The following DNER variants were observed in gnomAD, a reference collection of about 807,000 sequenced individuals.
DNER encodes delta/notch like EGF repeat containing.
A neutral mutation model predicts 78.2 loss-of-function variants in DNER; 33 were observed. That is an observed-to-expected ratio of 0.42 (90% CI 0.32 to 0.56). The LOEUF (loss-of-function observed/expected upper bound fraction) is 0.56. DNER is among the 20% of genes least tolerant of loss of function. The pLI, the probability that DNER is intolerant of heterozygous loss-of-function variation, is 0.11. For missense variants in DNER, 918 were observed against 975.3 expected (o/e 0.94, Z 0.78); for synonymous variants, 417 against 384.8 (o/e 1.08, Z -0.98).
At chr2:229,565,198 G>T (rs1179978170) in intron 4 of DNER, among the ~76,000 whole-genome samples, 1 of 152,142 alleles carries the variant, frequency 6.6e-6, no homozygotes, top group Non-Finnish European at 1.5e-5. Context: ...GGAAAAGTTT[G>T]CTCCCTGAGA....
chr2:229,378,878 A>T (rs1481137088), intron 11 of DNER, among the ~76,000 whole-genome samples: 1 of 152,084 alleles, frequency 6.6e-6, no homozygotes, highest in African/African-American at 2.4e-5. Flanking sequence ...AATTATCTAG[A>T]CACGAGCCAC....
chr2:229,423,968 A>G (rs903046197), intron 8 of DNER, among the ~76,000 whole-genome samples: 4 of 152,218 alleles, frequency 2.6e-5, no homozygotes, highest in African/African-American at 9.6e-5. Flanking sequence ...CTACAGGATA[A>G]GCTTGAGGGT....
At chr2:229,368,041 AT>A (rs979422421) in intron 11 of DNER, among the ~76,000 whole-genome samples, 8 of 152,072 alleles carry the variant, frequency 5.3e-5, no homozygotes, top group African/African-American at 7.2e-5. Context: ...TTTTCTTTAG[AT>A]TTTTTTTCAG....
In DNER at chr2:229,583,462, G is replaced by A. The variant is rs551694472; in HGVS notation, c.847+2396C>T. ...AAAGTAAAAAACAGAATAGCTGTAC[G>A]GGTGCTTGAAATACAGCTTATACTG... On this transcript the variant is annotated intron_variant, in intron 4 of 12. Coordinates refer to ENST00000341772, the MANE Select transcript of DNER (RefSeq NM_139072.4). Among the ~76,000 whole-genome samples the A allele has an allele frequency of 2.4e-4, 37 of 152,246 alleles. No individual in the cohort carries two copies. In the South Asian group the frequency reaches 6.6e-3, roughly 27 times the overall value.
intron 9 of DNER, among the ~76,000 whole-genome samples, chr2:229,415,771 A>G (rs774350223): frequency 6.6e-6 from 1 of 152,192 alleles, no homozygotes; most frequent in Non-Finnish European, 1.5e-5. Context: ...GCCCTCAAAT[A>G]TAAACAACAA....
At chr2:229,551,544 GA>G in intron 4 of DNER, among the ~76,000 whole-genome samples, 1 of 152,210 alleles carries the variant, frequency 6.6e-6, no homozygotes, top group African/African-American at 2.4e-5. Context: ...TGATGCAGGA[GA>G]ATCACTTGAA....
chr2:229,507,069 G>A (rs1258162484), intron 6 of DNER, among the ~76,000 whole-genome samples: 1 of 152,100 alleles, frequency 6.6e-6, no homozygotes, highest in African/African-American at 2.4e-5. Context: ...AATACTGTAG[G>A]CAACTGCAAC....
intron 1 of DNER, among the ~76,000 whole-genome samples, chr2:229,663,284 T>C (rs192082966): frequency 2.5e-4 from 38 of 152,344 alleles, no homozygotes; most frequent in African/African-American, 7.5e-4. Flanking sequence ...TATGTTATGC[T>C]GCAAGTCAAT....
chr2:229,678,968 A>G (rs534814643), intron 1 of DNER, among the ~76,000 whole-genome samples: 1 of 152,336 alleles, frequency 6.6e-6, no homozygotes, highest in East Asian at 1.9e-4. Context: ...GGCTTCCCCA[A>G]TGCTCCCCAC....
intron 5 of DNER, among the ~76,000 whole-genome samples, chr2:229,531,251 T>C (rs955710347): frequency 1.3e-5 from 2 of 152,188 alleles, no homozygotes; most frequent in Non-Finnish European, 2.9e-5. Flanking sequence ...AGTGCTGCTC[T>C]CAATCAACTC....
At chr2:229,620,840 T>G in intron 1 of DNER, among the ~76,000 whole-genome samples, 1 of 152,048 alleles carries the variant, frequency 6.6e-6, no homozygotes, top group South Asian at 2.1e-4. Flanking sequence ...CTACTGCCCT[T>G]AAAAGGAGGA....
chr2:229,692,890 A>G (rs574156875), intron 1 of DNER, among the ~76,000 whole-genome samples: 1 of 151,786 alleles, frequency 6.6e-6, no homozygotes, highest in South Asian at 2.1e-4. Flanking sequence ...AATATAATAC[A>G]TATAATTTAT....
intron 5 of DNER, among the ~76,000 whole-genome samples, chr2:229,530,986 TG>T (rs1270432632): frequency 6.6e-6 from 1 of 152,186 alleles, no homozygotes; most frequent in Non-Finnish European, 1.5e-5. Context: ...GGGTGAGGTG[TG>T]ACCTGCCCTT....
intron 1 of DNER, among the ~76,000 whole-genome samples, chr2:229,606,912 A>C (rs7557517): frequency 0.6 from 90,664 of 150,764 alleles, 27,366 homozygotes; most frequent in Non-Finnish European, 0.63. Flanking sequence ...ACCACCACCA[A>C]CAACAACAAC....
chr2:229,538,522 G>A (rs1460011117), intron 5 of DNER, among the ~76,000 whole-genome samples: 1 of 151,938 alleles, frequency 6.6e-6, no homozygotes, highest in African/African-American at 2.4e-5. Context: ...GCATCACCCT[G>A]CCCGGCTAAT....
At chr2:229,548,728 A>G (rs1000406722) in intron 4 of DNER, among the ~76,000 whole-genome samples, 3 of 152,200 alleles carry the variant, frequency 2.0e-5, no homozygotes, top group Non-Finnish European at 4.4e-5. Flanking sequence ...TGTAACCCAC[A>G]ACTTAAAGTA....
At chr2:229,684,801 C>T (rs1308332915) in intron 1 of DNER, among the ~76,000 whole-genome samples, 2 of 152,170 alleles carry the variant, frequency 1.3e-5, no homozygotes, top group East Asian at 1.9e-4. Context: ...TCATGATTAG[C>T]ACCTATTTAT....
chr2:229,599,935 A>C (rs1411607037), intron 1 of DNER, among the ~76,000 whole-genome samples: 1 of 152,198 alleles, frequency 6.6e-6, no homozygotes, highest in African/African-American at 2.4e-5. Flanking sequence ...AGAAAAGGAA[A>C]GAATGAAGAA....
chr2:229,394,854 T>G (rs1235873607), intron 10 of DNER, among the ~76,000 whole-genome samples: 2 of 152,206 alleles, frequency 1.3e-5, no homozygotes, highest in African/African-American at 4.8e-5. Flanking sequence ...TGTTTTAAGG[T>G]CTCTGTTCTC....
Sources: allele counts gnomAD v4.1 joint callset (sites outside exome capture counted in the v4.1 genomes callset), GRCh38; gene constraint gnomAD v4.1.1; transcripts MANE v1.5; gene names NCBI Gene and HGNC (gene_info 2026-07-23, HGNC 2026-07-21).